Variants in DPYSL2 observed in about 807,000 individuals in gnomAD.
DPYSL2 encodes the protein dihydropyrimidinase-related protein 2.
A neutral mutation model predicts 69.9 loss-of-function variants in DPYSL2; 13 were observed. The ratio of observed to expected loss-of-function variants is 0.19; its 90% CI spans 0.12 to 0.30. The LOEUF is 0.30. DPYSL2 is among the 10% of genes least tolerant of loss of function. The probability of loss-of-function intolerance (pLI) is 1.00; values close to 1 mark genes in which losing one functional copy is unlikely to be tolerated. For missense variants in DPYSL2, 587 were observed against 918.9 expected, an observed-to-expected ratio of 0.64 and a Z score of 4.67; for synonymous variants, 326 against 359.1, an observed-to-expected ratio of 0.91 and a Z score of 1.04.
chr8:26,603,461 G>A (rs1354103397), intron 3 of DPYSL2, among the ~76,000 whole-genome samples: 1 of 152,186 alleles, frequency 6.6e-6, no homozygotes, highest in Non-Finnish European at 1.5e-5. Context: ...GTGAGCCACC[G>A]CGCCCGGCTC....
In DPYSL2 at chr8:26,564,881, A is replaced by C. The variant is rs1190778596; in HGVS notation, c.355-17088A>C. On this transcript the variant is annotated intron_variant, in intron 1 of 13. Transcript: ENST00000521913. This position sits in a 1 kb window ranked among gnomAD's most constrained non-coding sequence, Gnocchi z 4.8. ...TGCACCCATCACCCAAGGAGTGTAC[A>C]TTGTACCTAATGTGTAGTTTTTTTT... Among the ~76,000 whole-genome samples, 16 of 152,252 alleles carry C rather than the reference A, an allele frequency of 1.1e-4. No homozygotes were observed. The East Asian group carries it at 2.7e-3, about 26-fold the overall frequency.
rs994202790 is a variant in DPYSL2, at chr8:26,584,030, G to T, written c.628+47G>T. 1.9e-6 allele frequency: 3 copies of T among 1,557,338 alleles called. No homozygotes were observed. The East Asian group carries it at 6.9e-5, about 36-fold the overall frequency. On this transcript the variant is annotated intron_variant, in intron 3 of 13. Transcript: ENST00000521913. ...ATTGTAGTGCTTAGGAAGTGTGAGA[G>T]TTTGCAAATAAGTCTATTGTTTGAT... is the stretch of plus-strand genomic sequence containing the variant.
chr8:26,651,664 G>T (rs1404012110), intron 11 of DPYSL2, among the ~76,000 whole-genome samples: 1 of 152,192 alleles, frequency 6.6e-6, no homozygotes, highest in East Asian at 1.9e-4. Context: ...ATATGTCTCT[G>T]TTTTACCCGG....
intron 3 of DPYSL2, among the ~76,000 whole-genome samples, chr8:26,612,578 G>A (rs1802255492): frequency 6.6e-6 from 1 of 152,234 alleles, no homozygotes; most frequent in African/African-American, 2.4e-5. Flanking sequence ...TGGGCCAGGT[G>A]TGGTGGCTCA....
rs1236744227 is a variant in DPYSL2 at position 26,647,266 on chromosome 8, A to G, written c.1426-364A>G. 1.3e-5 allele frequency among the ~76,000 whole-genome samples: 2 copies of G among 152,204 alleles called. No homozygotes were observed. The highest frequency in any genetic ancestry group is 1.3e-4 in the Admixed American group (2 of 15,288). On this transcript the variant is annotated intron_variant, in intron 10 of 13. Coordinates refer to ENST00000521913, the MANE Select transcript of DPYSL2 (RefSeq NM_001197293.3). This position sits in a 1 kb window ranked among gnomAD's most constrained non-coding sequence, Gnocchi z 5.1. ...ACTGACAGTGTCACAATGTGTGGGT[A>G]TAGCTCTAGGCTGTGTGGCCACCTG...
In DPYSL2 at chr8:26,627,606, G is replaced by A. The variant is rs1389835413; in HGVS notation, c.937-266G>A. 6.6e-6 allele frequency among the ~76,000 whole-genome samples: 1 copy of A among 152,162 alleles called. No homozygotes were observed. The highest frequency in any genetic ancestry group is 2.4e-5 in the African/African-American group (1 of 41,434). On this transcript the variant is annotated intron_variant, in intron 6 of 13. Coordinates refer to ENST00000521913, the MANE Select transcript of DPYSL2 (RefSeq NM_001197293.3). The surrounding 1 kb of genome is among the most constrained non-coding windows in gnomAD (Gnocchi z 6.9). Reference sequence around the variant, plus strand: ...GTCACACACAGGCATTTTACACCGTGGCTGAGGGTTGCAAATGCACCAGTC... The same window carrying A: ...GTCACACACAGGCATTTTACACCGTAGCTGAGGGTTGCAAATGCACCAGTC...
rs1244831792 is a variant in DPYSL2, at chr8:26,620,743, A to G, written c.629-3400A>G. ...TGAGCATGTGGGTCTTAGTGTCACC[A>G]GTACTTATCCTTCTTCTTAGGAGGG... On this transcript the variant is annotated intron_variant, in intron 3 of 13. Coordinates refer to ENST00000521913, the MANE Select transcript of DPYSL2 (RefSeq NM_001197293.3). The surrounding 1 kb of genome is among the most constrained non-coding windows in gnomAD (Gnocchi z 4.5). Among the ~76,000 whole-genome samples, 1 of 152,244 alleles carries G rather than the reference A, an allele frequency of 6.6e-6. No homozygotes were observed. The highest frequency in any genetic ancestry group is 1.5e-5 in the Non-Finnish European group (1 of 68,038).
intron 1 of DPYSL2, among the ~76,000 whole-genome samples, chr8:26,519,170 A>G (rs1420118400): frequency 6.6e-6 from 1 of 152,234 alleles, no homozygotes; most frequent in African/African-American, 2.4e-5. Context: ...AGCCTGGTAA[A>G]GACAGGCCAC....
rs1225519784 is a variant in DPYSL2, at chr8:26,605,548, A to G, written c.629-18595A>G. On this transcript the variant is annotated intron_variant, in intron 3 of 13. Coordinates refer to ENST00000521913, the MANE Select transcript of DPYSL2 (RefSeq NM_001197293.3). This position sits in a 1 kb window ranked among gnomAD's most constrained non-coding sequence, Gnocchi z 4.1. ...TCAAGTGCCTGCCTCAGCCTCCCTA[A>G]GTGATTATTACTATTTTTAGATGGT... Among the ~76,000 whole-genome samples the G allele has an allele frequency of 1.3e-5, 2 of 152,168 alleles. No individual in the cohort carries two copies. Among genetic ancestry groups the G allele is most frequent in the Non-Finnish European group, 2.9e-5 (2 of 68,036 alleles).
chr8:26,603,414 G>A (rs1030033170), intron 3 of DPYSL2, among the ~76,000 whole-genome samples: 1 of 152,178 alleles, frequency 6.6e-6, no homozygotes, highest in Non-Finnish European at 1.5e-5. Flanking sequence ...CTTGTGATCT[G>A]CCTGCCTTGG....
chr8:26,566,184 G>C (rs899131921), intron 1 of DPYSL2, among the ~76,000 whole-genome samples: 1 of 152,172 alleles, frequency 6.6e-6, no homozygotes, highest in African/African-American at 2.4e-5. Flanking sequence ...TGCTGAGAAA[G>C]TGATGGTCTG....
intron 1 of DPYSL2, among the ~76,000 whole-genome samples, chr8:26,576,854 C>T (rs1801356213): frequency 6.6e-6 from 1 of 152,260 alleles, no homozygotes; most frequent in Non-Finnish European, 1.5e-5. Flanking sequence ...ACCCTCAGGA[C>T]CCCGGGGCGC....
At position 26,533,731 on chromosome 8, in the gene DPYSL2, C is replaced by A. The variant is rs1800547309; in HGVS notation, c.354+19052C>A. 1.3e-5 allele frequency among the ~76,000 whole-genome samples: 2 copies of A among 152,238 alleles called. No individual in the cohort carries two copies. The highest frequency in any genetic ancestry group is 4.8e-5 in the African/African-American group (2 of 41,464). On this transcript the variant is annotated intron_variant, in intron 1 of 13. Transcript: ENST00000521913. This position sits in a 1 kb window ranked among gnomAD's most constrained non-coding sequence, Gnocchi z 4.8. The stretch of plus-strand genomic sequence containing the variant: ...TCGGGAGTGAAGTCAATGACCACAG[C>A]TGTCAAATGTTCTCAGGTGAAGAGG...
chr8:26,553,407 T>A (rs1414259044), intron 1 of DPYSL2, among the ~76,000 whole-genome samples: 5 of 152,128 alleles, frequency 3.3e-5, no homozygotes, highest in African/African-American at 1.2e-4. Context: ...GGCCACAGTG[T>A]CTGTGGTTCC....
At position 26,609,704 on chromosome 8, in the gene DPYSL2, C is replaced by T. The variant is rs1251224236; in HGVS notation, c.629-14439C>T. 6.6e-6 allele frequency among the ~76,000 whole-genome samples: 1 copy of T among 152,232 alleles called. No individual in the cohort carries two copies. Among genetic ancestry groups the T allele is most frequent in the African/African-American group, 2.4e-5 (1 of 41,460 alleles). On this transcript the variant is annotated intron_variant, in intron 3 of 13. Transcript: ENST00000521913. The surrounding 1 kb of genome is among the most constrained non-coding windows in gnomAD (Gnocchi z 6.5). ...CGCTGAGCTGGAGCTCCCCAGAGTG[C>T]AGCCTGGCCAGGCAGGGACTGTTGA...
rs757263425 is a variant in DPYSL2 at position 26,609,346 on chromosome 8, C to T, written c.629-14797C>T. 3.9e-5 allele frequency among the ~76,000 whole-genome samples: 6 copies of T among 152,166 alleles called. No individual in the cohort carries two copies. The highest frequency in any genetic ancestry group is 3.4e-3 in the Middle Eastern group (1 of 294). On this transcript the variant is annotated intron_variant, in intron 3 of 13. Coordinates refer to ENST00000521913, the MANE Select transcript of DPYSL2 (RefSeq NM_001197293.3). This position sits in a 1 kb window ranked among gnomAD's most constrained non-coding sequence, Gnocchi z 6.5. ...CAATGGCTTTGGGGCTTTTGGGGCG[C>T]ATTTAGTTCTGCACGTTGTGTATGT...
In DPYSL2 at chr8:26,643,603, C is replaced by G. The variant is rs551279053; in HGVS notation, c.1283+8C>G. The G allele has an allele frequency of 6.2e-7, 1 of 1,614,106 alleles. No individual in the cohort carries two copies. Among genetic ancestry groups the G allele is most frequent in the African/African-American group, 1.3e-5 (1 of 74,932 alleles). On this transcript the variant is annotated splice_region_variant and intron_variant, in intron 9 of 13. Transcript: ENST00000521913. This position sits in a 1 kb window ranked among gnomAD's most constrained non-coding sequence, Gnocchi z 6.5. ...CAACTCCTTGCTGTCCTGGTGAGTC[C>G]TGGCGACTTGTTCACACTTCACATT...
intron 1 of DPYSL2, among the ~76,000 whole-genome samples, chr8:26,566,756 G>A (rs999918255): frequency 2.6e-5 from 4 of 152,130 alleles, no homozygotes; most frequent in African/African-American, 9.7e-5. Context: ...AAGTCCCAGT[G>A]AGTCTATGTT....
At chr8:26,581,869 C>T in intron 1 of DPYSL2, 100 bp from the exon 2 acceptor site, 6 of 932,562 alleles carry the variant, frequency 6.4e-6, no homozygotes, top group South Asian at 1.5e-5. Flanking sequence ...TTTTGAACAT[C>T]ACTTTTGAAC....
Sources: allele counts gnomAD v4.1 joint callset (sites outside exome capture counted in the v4.1 genomes callset), GRCh38; gene constraint gnomAD v4.1.1; non-coding constraint Gnocchi (gnomAD v3.1); transcripts MANE v1.5; gene names NCBI Gene and HGNC (gene_info 2026-07-23, HGNC 2026-07-21).